RALGAPA2: variants seen among roughly 807,000 people sequenced by gnomAD.
RALGAPA2 encodes ral GTPase-activating protein subunit alpha-2.
RALGAPA2 carries 139 observed loss-of-function variants against 230.4 expected under a neutral mutation model. The observed-to-expected ratio is 0.60, with a 90% confidence interval of 0.53 to 0.69. The LOEUF is 0.69. Among genes scored for constraint, RALGAPA2 ranks in the 30% least tolerant of loss-of-function variants. RALGAPA2 has a pLI of 0.00. For synonymous variants in RALGAPA2, 847 were observed against 837.8 expected (o/e 1.01, Z -0.19); for missense variants, 2,163 against 2,276.0 (o/e 0.95, Z 1.01).
At chr20:20,492,592 T>C (rs1293402693) in intron 36 of RALGAPA2, among the ~76,000 whole-genome samples, 2 of 152,188 alleles carry the variant, frequency 1.3e-5, no homozygotes, top group Non-Finnish European at 2.9e-5. Flanking sequence ...TAATCTCTGC[T>C]GACTAGCTGT....
chr20:20,486,312 GAGA>G (rs1016096278), intron 36 of RALGAPA2, among the ~76,000 whole-genome samples: 1 of 151,222 alleles, frequency 6.6e-6, no homozygotes, highest in African/African-American at 2.4e-5. Flanking sequence ...ACTTTTGTCT[GAGA>G]AGGTCTTTCT....
At chr20:20,701,688 C>T (rs1413317131) in intron 1 of RALGAPA2, among the ~76,000 whole-genome samples, 2 of 151,816 alleles carry the variant, frequency 1.3e-5, no homozygotes, top group African/African-American at 4.8e-5. Flanking sequence ...GGAGATTGTG[C>T]CACTGCACTC....
intron 10 of RALGAPA2, among the ~76,000 whole-genome samples, chr20:20,623,143 C>T (rs1305567252): frequency 2.0e-5 from 3 of 152,148 alleles, no homozygotes; most frequent in Middle Eastern, 3.4e-3. Flanking sequence ...CTATGTTAAA[C>T]GTAATGAATA....
chr20:20,632,763 T>C (rs1025222822), intron 9 of RALGAPA2, among the ~76,000 whole-genome samples: 2 of 152,240 alleles, frequency 1.3e-5, no homozygotes, highest in African/African-American at 4.8e-5. Flanking sequence ...CAGGGGTCCC[T>C]GTAGTCTGCC....
chr20:20,639,834 T>G lies in RALGAPA2; in HGVS notation c.617A>C (p.Asp206Ala), dbSNP rs756635832. 1 of 1,613,796 alleles carries G rather than the reference T, an allele frequency of 6.2e-7. No homozygotes were observed. Among genetic ancestry groups the G allele is most frequent in the Non-Finnish European group, 8.5e-7 (1 of 1,179,708 alleles). Reference protein sequence around the residue: ...PAISGEKIAEDQTCFFLQILL... With the variant: ...PAISGEKIAEAQTCFFLQILL... ...TATTTGAAGAAAAAAGCAGGTTTGG[T>G]CCTCAGCAATCTTCTCCCCTGATAT... is the stretch of plus-strand genomic sequence containing the variant. The change falls in exon 7 of 40, where the codon GAC (aspartate) becomes GCC (alanine). Residue 206 changes from aspartate (D) to alanine (A), a missense_variant. Coordinates refer to ENST00000202677, the MANE Select transcript of RALGAPA2 (RefSeq NM_020343.4).
intron 30 of RALGAPA2, 28 bp from the exon 31 acceptor site, chr20:20,521,128 C>T (rs1032216265): frequency 1.0e-5 from 16 of 1,553,564 alleles, no homozygotes; most frequent in East Asian, 4.7e-5. Flanking sequence ...ATGTGCACCA[C>T]GGATGCTACT....
intron 37 of RALGAPA2, among the ~76,000 whole-genome samples, chr20:20,470,033 C>A (rs1157153701): frequency 1.3e-5 from 2 of 152,078 alleles, no homozygotes; most frequent in Non-Finnish European, 2.9e-5. Flanking sequence ...TCCAAAGATA[C>A]CCCTACTGTG....
intron 14 of RALGAPA2, among the ~76,000 whole-genome samples, chr20:20,608,480 T>C (rs970192365): frequency 2.6e-5 from 4 of 151,900 alleles, no homozygotes; most frequent in Non-Finnish European, 1.5e-5. Context: ...GCCCAGGTTA[T>C]CTACTGACAG....
At chr20:20,596,562 G>A (rs1343215682) in intron 16 of RALGAPA2, among the ~76,000 whole-genome samples, 1 of 152,146 alleles carries the variant, frequency 6.6e-6, no homozygotes, top group African/African-American at 2.4e-5. Context: ...TCTCTTGATA[G>A]GACAGTCATA....
chr20:20,556,697 A>C (rs1279646240), intron 23 of RALGAPA2, among the ~76,000 whole-genome samples: 1 of 152,000 alleles, frequency 6.6e-6, no homozygotes, highest in Non-Finnish European at 1.5e-5. Flanking sequence ...ACTCAGTTGC[A>C]TCAGACACAT....
chr20:20,572,949 T>A lies in RALGAPA2; in HGVS notation c.2827A>T (p.Asn943Tyr). Residue 943 changes from asparagine to tyrosine, a missense_variant, in exon 21 of 40, where the codon AAT (asparagine) becomes TAT (tyrosine). Asn to Tyr is a moderately radical substitution (Grantham distance 143). Coordinates refer to ENST00000202677, the MANE Select transcript of RALGAPA2 (RefSeq NM_020343.4). Reference protein sequence around the residue: ...RRVLGILGDVNNIQSPKIHAR... With the variant: ...RRVLGILGDVYNIQSPKIHAR... ...TGGATCTTGGGTGACTGGATGTTAT[T>A]CACATCTCCGAGGATCCCCAAGACC... 6.3e-7 allele frequency: 1 copy of A among 1,587,078 alleles called. No individual in the cohort carries two copies. The highest frequency in any genetic ancestry group is 8.6e-7 in the Non-Finnish European group (1 of 1,165,934).
At position 20,643,576 on chromosome 20, in the gene RALGAPA2, AAT is replaced by A. The variant is rs147295053; in HGVS notation, c.329-29_329-28del. ...TGAAAGTTTAAAATAATGAATTATAAATAGAGTATATAAATGCATATCAAAGA... is the reference window on the plus strand; with the variant it reads ...TGAAAGTTTAAAATAATGAATTATAAAGAGTATATAAATGCATATCAAAGA... On this transcript the variant is annotated intron_variant, in intron 4 of 39. Transcript: ENST00000202677. 2,101 of 1,429,622 alleles carry A rather than the reference AAT, an allele frequency of 1.5e-3. 25 individuals carry two copies. In the African/African-American group the frequency reaches 0.027, roughly 18 times the overall value. 88.6% of individuals were successfully genotyped at this position (1,429,622 alleles called of 1,614,324 possible).
At position 20,572,900 on chromosome 20, in the gene RALGAPA2, T is replaced by C. The variant is rs368523839; in HGVS notation, c.2876A>G (p.Tyr959Cys). The change falls in exon 21 of 40, where the codon TAT becomes TGT. Residue 959 changes from tyrosine (Y) to cysteine (C), a missense_variant. Tyr to Cys is a radical substitution (Grantham distance 194). Coordinates refer to ENST00000202677, the MANE Select transcript of RALGAPA2 (RefSeq NM_020343.4). ...CTTTGCTAGTTTGTACCAGAGTTCA[T>C]AGAGATAGCAGAAAACTCTGGCATG... Reference protein sequence around the residue: ...KIHARVFCYLYELWYKLAKIR... With the variant: ...KIHARVFCYLCELWYKLAKIR... The C allele has an allele frequency of 4.5e-6, 7 of 1,558,468 alleles. No individual in the cohort carries two copies. The highest frequency in any genetic ancestry group is 2.0e-4 in the Middle Eastern group (1 of 4,898).
rs143414984 is a variant in RALGAPA2 at position 20,614,531 on chromosome 20, T to C, written c.1688+1512A>G. Among the ~76,000 whole-genome samples the C allele has an allele frequency of 7.1e-4, 108 of 152,362 alleles. 2 individuals are homozygous for C. The East Asian group carries it at 0.02, about 28-fold the overall frequency. On this transcript the variant is annotated intron_variant, in intron 13 of 39. Transcript: ENST00000202677. ...GACGTGGAATTTGTTTACATCATAT[T>C]GTGCATCACTGTAATATTTCCAGTT...
chr20:20,423,067 C>T (rs531783438), intron 37 of RALGAPA2, among the ~76,000 whole-genome samples: 3 of 152,288 alleles, frequency 2.0e-5, no homozygotes, highest in South Asian at 2.1e-4. Flanking sequence ...GGGGAGGAAG[C>T]GGCACAATGC....
chr20:20,511,527 T>C (rs117458910), intron 32 of RALGAPA2, among the ~76,000 whole-genome samples: 48 of 152,358 alleles, frequency 3.2e-4, no homozygotes, highest in Non-Finnish European at 6.0e-4. Flanking sequence ...ATCCCATTAC[T>C]ACCCAGTGAC....
chr20:20,534,248 T>C (rs533409561), intron 26 of RALGAPA2, among the ~76,000 whole-genome samples: 28 of 152,060 alleles, frequency 1.8e-4, no homozygotes, highest in African/African-American at 6.8e-4. Flanking sequence ...ATTGAGACCA[T>C]CCTGGCTAAC....
chr20:20,395,501 C>T (rs917852082), intron 39 of RALGAPA2, among the ~76,000 whole-genome samples: 5 of 152,318 alleles, frequency 3.3e-5, no homozygotes, highest in South Asian at 2.1e-4. Context: ...TGCATGGAGA[C>T]GGGGGTCTCG....
intron 38 of RALGAPA2, among the ~76,000 whole-genome samples, chr20:20,401,637 A>G (rs1328730204): frequency 6.6e-6 from 1 of 152,200 alleles, no homozygotes; most frequent in Non-Finnish European, 1.5e-5. Context: ...CTAATAATCA[A>G]CAGCTCAAGA....
Sources: allele counts gnomAD v4.1 joint callset (sites outside exome capture counted in the v4.1 genomes callset), GRCh38; gene constraint gnomAD v4.1.1; transcripts MANE v1.5; gene names NCBI Gene and HGNC (gene_info 2026-07-23, HGNC 2026-07-21).